Variants in USF3 observed in about 807,000 individuals in gnomAD.
USF3 encodes basic helix-loop-helix domain-containing protein USF3.
In USF3, 29 loss-of-function variants were observed where a neutral mutation model predicts 157.5. That is an observed-to-expected ratio of 0.18 (90% confidence interval 0.14 to 0.25). USF3 has a LOEUF of 0.25. Among genes scored for constraint, USF3 ranks in the 10% least tolerant of loss-of-function variants. The probability of loss-of-function intolerance (pLI) is 1.00; values close to 1 mark genes in which losing one functional copy is unlikely to be tolerated. For synonymous variants in USF3, 893 were observed against 941.4 expected, an observed-to-expected ratio of 0.95 and a Z score of 0.94; for missense variants, 2,381 against 2,667.6, an observed-to-expected ratio of 0.89 and a Z score of 2.37.
At chr3:113,676,589 G>A (rs1196197908) in intron 2 of USF3, among the ~76,000 whole-genome samples, 1 of 152,102 alleles carries the variant, frequency 6.6e-6, no homozygotes, top group Non-Finnish European at 1.5e-5. Context: ...GGGATTATGG[G>A]AACCATAATT....
chr3:113,664,518 A>G, intron 5 of USF3, 109 bp from the exon 6 acceptor site: 1 of 551,318 alleles, frequency 1.8e-6, no homozygotes, highest in South Asian at 2.8e-5. Context: ...GTATCTTCTC[A>G]AAATTTAAAA....
chr3:113,674,773 G>GAACT, intron 3 of USF3, 59 bp downstream of exon 3: 16 of 1,381,480 alleles, frequency 1.2e-5, no homozygotes, highest in Non-Finnish European at 1.5e-5. Context: ...AGCAAAATAG[G>GAACT]AACTAATTCT....
At position 113,683,987 on chromosome 3, in the gene USF3, T is replaced by A. The variant is rs566116500; in HGVS notation, c.-134-6590A>T. 1.6e-4 allele frequency among the ~76,000 whole-genome samples: 25 copies of A among 152,332 alleles called. 1 individual carries two copies. The South Asian group carries it at 5.2e-3, about 32-fold the overall frequency. On this transcript the variant is annotated intron_variant, in intron 1 of 6. Transcript: ENST00000316407. ...GACAATTTCTTATTACTTGTTAACA[T>A]CTTTTTCTTTCAAGTTGAAGAACTC...
intron 1 of USF3, among the ~76,000 whole-genome samples, chr3:113,681,933 C>T (rs1257676925): frequency 1.3e-5 from 2 of 152,138 alleles, no homozygotes; most frequent in East Asian, 1.9e-4. Flanking sequence ...GTTGGCCAGG[C>T]TGGTCTTGAA....
chr3:113,684,318 A>T (rs769751705), intron 1 of USF3, among the ~76,000 whole-genome samples: 3 of 151,786 alleles, frequency 2.0e-5, no homozygotes, highest in Non-Finnish European at 2.9e-5. Context: ...TGATTATTAC[A>T]TGTCTTGAGA....
At chr3:113,685,397 A>T (rs1707525062) in intron 1 of USF3, among the ~76,000 whole-genome samples, 1 of 152,152 alleles carries the variant, frequency 6.6e-6, no homozygotes, top group Admixed American at 6.5e-5. Context: ...TTTAGTCAGC[A>T]GATGATGAAT....
rs1947241176 is a variant in USF3, at chr3:113,650,448, G to C, written c.*4496C>G. On this transcript the variant is annotated 3_prime_UTR_variant, in exon 7 of 7. Transcript: ENST00000316407. The stretch of plus-strand genomic sequence containing the variant: ...GCCCAATAAATGTTTCAAGGCAAAG[G>C]AGTAATCATCTCGCTAAGGAAATGA... 6.6e-6 allele frequency: 1 copy of C among 152,240 alleles called. No individual in the cohort carries two copies. Among genetic ancestry groups the C allele is most frequent in the African/African-American group, 2.4e-5 (1 of 41,436 alleles). 9.4% of individuals were successfully genotyped at this position (152,240 alleles called of 1,614,324 possible).
chr3:113,684,274 T>C (rs576824149), intron 1 of USF3, among the ~76,000 whole-genome samples: 29 of 152,318 alleles, frequency 1.9e-4, no homozygotes, highest in Admixed American at 1.1e-3. Context: ...TTGCTGCTCT[T>C]AGGATCCTTT....
At chr3:113,693,009 T>C (rs1033928054) in intron 1 of USF3, among the ~76,000 whole-genome samples, 4 of 152,210 alleles carry the variant, frequency 2.6e-5, no homozygotes, top group African/African-American at 9.6e-5. Flanking sequence ...CTACAATCAC[T>C]TAGATTCTAC....
chr3:113,662,770 C>G (rs933511927), intron 6 of USF3, among the ~76,000 whole-genome samples: 1 of 152,134 alleles, frequency 6.6e-6, no homozygotes. Flanking sequence ...CTGTGCTAGG[C>G]TTTAATCTAA....
rs1004172350 is a variant in USF3 at position 113,649,390 on chromosome 3, G to T, written c.*5554C>A. On this transcript the variant is annotated 3_prime_UTR_variant, in exon 7 of 7. Transcript: ENST00000316407. The stretch of plus-strand genomic sequence containing the variant: ...GTTTATGAAGCATCTGACCACATAC[G>T]CGTGCCAGAAAAAGATTACAGTTGG... 1 of 155,870 alleles carries T rather than the reference G, an allele frequency of 6.4e-6. No homozygotes were observed. The highest frequency in any genetic ancestry group is 6.5e-5 in the Admixed American group (1 of 15,374). 9.7% of individuals were successfully genotyped at this position (155,870 alleles called of 1,614,324 possible).
chr3:113,688,553 G>C (rs1028778707), intron 1 of USF3, among the ~76,000 whole-genome samples: 1 of 152,196 alleles, frequency 6.6e-6, no homozygotes, highest in Non-Finnish European at 1.5e-5. Flanking sequence ...CAGTATATAG[G>C]ATGTAGTGTT....
At chr3:113,684,164 A>T (rs934692784) in intron 1 of USF3, among the ~76,000 whole-genome samples, 6 of 152,124 alleles carry the variant, frequency 3.9e-5, no homozygotes, top group African/African-American at 1.4e-4. Context: ...CAGCATTTTA[A>T]ATATGTCATC....
At chr3:113,690,364 C>A (rs1707656852) in intron 1 of USF3, among the ~76,000 whole-genome samples, 1 of 152,184 alleles carries the variant, frequency 6.6e-6, no homozygotes, top group Admixed American at 6.5e-5. Flanking sequence ...CCCAATGTCT[C>A]ATCAGTCTTT....
Position 113,650,983 on chromosome 3 carries a change from T to C in USF3, c.*3961A>G, listed in dbSNP as rs141209341. On this transcript the variant is annotated 3_prime_UTR_variant, in exon 7 of 7. Transcript: ENST00000316407. ...TCCTGAACCGGTATAAAACAACATA[T>C]AAGCCATCCCAGAGCAACTTGTGTT... The C allele has an allele frequency of 3.3e-5, 5 of 152,158 alleles. No homozygotes were observed. Among genetic ancestry groups the C allele is most frequent in the African/African-American group, 9.6e-5 (4 of 41,516 alleles). 9.4% of individuals were successfully genotyped at this position (152,158 alleles called of 1,614,324 possible).
At chr3:113,665,263 G>A (rs1184354746) in intron 5 of USF3, among the ~76,000 whole-genome samples, 1 of 152,226 alleles carries the variant, frequency 6.6e-6, no homozygotes, top group African/African-American at 2.4e-5. Context: ...CGGAGCTACA[G>A]TGGAGTACAT....
intron 4 of USF3, among the ~76,000 whole-genome samples, chr3:113,670,792 G>C (rs923828882): frequency 6.6e-6 from 1 of 152,188 alleles, no homozygotes; most frequent in South Asian, 2.1e-4. Context: ...GGTCCCCCAG[G>C]CTGGAGTGCA....
At chr3:113,693,474 C>T (rs1029556192) in intron 1 of USF3, among the ~76,000 whole-genome samples, 3 of 151,990 alleles carry the variant, frequency 2.0e-5, no homozygotes, top group Non-Finnish European at 2.9e-5. Context: ...ATGAAAAAAA[C>T]GGATGTCTAT....
chr3:113,668,137 C>A (rs1480848714), intron 5 of USF3, among the ~76,000 whole-genome samples: 2 of 152,022 alleles, frequency 1.3e-5, no homozygotes, highest in Non-Finnish European at 2.9e-5. Flanking sequence ...CCCTACCCTG[C>A]CCCCACGCAC....
Sources: gnomAD v4.1 joint callset for allele counts (sites outside exome capture counted in the v4.1 genomes callset) on GRCh38, gnomAD v4.1.1 for gene constraint, MANE v1.5 for transcripts, NCBI Gene and HGNC (gene_info 2026-07-23, HGNC 2026-07-21) for gene names.